IL1RAPL1: variants seen among roughly 807,000 people sequenced by gnomAD.
The protein encoded by IL1RAPL1 is interleukin-1 receptor accessory protein-like 1.
In IL1RAPL1, 3 loss-of-function variants were observed where a neutral mutation model predicts 48.4. The ratio of observed to expected loss-of-function variants is 0.06; its 90% CI spans 0.03 to 0.16. The LOEUF is 0.16. IL1RAPL1 is among the 10% of genes least tolerant of loss of function. The probability of loss-of-function intolerance (pLI) is 1.00; values close to 1 mark genes in which losing one functional copy is unlikely to be tolerated. For synonymous variants in IL1RAPL1, 185 were observed against 187.7 expected (o/e 0.99, Z 0.12); for missense variants, 349 against 530.6 (o/e 0.66, Z 3.36).
At chrX:28,687,663 T>C (rs1414963053) in intron 1 of IL1RAPL1, among the ~76,000 whole-genome samples, 2 of 109,541 alleles carry the variant, frequency 1.8e-5, no homozygotes, top group African/African-American at 6.6e-5. Context: ...GCGCCTGTAG[T>C]CCCAGCTACT....
At chrX:28,930,899 C>T (rs962866896) in intron 2 of IL1RAPL1, among the ~76,000 whole-genome samples, 1 of 111,055 alleles carries the variant, frequency 9.0e-6, no homozygotes, top group African/African-American at 3.3e-5. Flanking sequence ...CCTTGGCCTC[C>T]CAAATTGCTG....
intron 5 of IL1RAPL1, among the ~76,000 whole-genome samples, chrX:29,405,658 G>A (rs1934055611): frequency 9.2e-6 from 1 of 108,960 alleles, no homozygotes; most frequent in Admixed American, 9.6e-5. Flanking sequence ...GAGCCACCAC[G>A]CCCAGGCTCT....
chrX:29,372,959 A>G (rs1424023244), intron 3 of IL1RAPL1, among the ~76,000 whole-genome samples: 3 of 110,485 alleles, frequency 2.7e-5, no homozygotes, highest in Non-Finnish European at 3.8e-5. Context: ...AATTCTGTGA[A>G]AAATGACACT....
chrX:28,648,433 C>G (rs958495173), intron 1 of IL1RAPL1, among the ~76,000 whole-genome samples: 3 of 111,909 alleles, frequency 2.7e-5, no homozygotes, highest in African/African-American at 9.7e-5. Context: ...ATACATATGT[C>G]ATAGGGTTGT....
intron 1 of IL1RAPL1, among the ~76,000 whole-genome samples, chrX:28,699,973 A>G (rs754335275): frequency 5.4e-5 from 6 of 111,662 alleles, no homozygotes; most frequent in African/African-American, 1.9e-4. Flanking sequence ...ATGCCAATGG[A>G]AAGATTATTG....
Position 28,963,478 on chromosome X carries a change from GAAATTAA to G in IL1RAPL1, c.82+174054_82+174060del, listed in dbSNP as rs1569209215. 2.4e-4 allele frequency among the ~76,000 whole-genome samples: 27 copies of G among 110,579 alleles called. No homozygotes were observed. In the South Asian group the frequency reaches 0.01, roughly 42 times the overall value. On this transcript the variant is annotated intron_variant, in intron 2 of 10. Coordinates refer to ENST00000378993, the MANE Select transcript of IL1RAPL1 (RefSeq NM_014271.4). ...AATTGATATCAATAATTAATACATA[GAAATTAA>G]TAAATATATATACAAGTAGATGAAG... is the stretch of plus-strand genomic sequence containing the variant.
intron 5 of IL1RAPL1, among the ~76,000 whole-genome samples, chrX:29,478,912 A>G (rs1315583880): frequency 9.0e-6 from 1 of 110,767 alleles, no homozygotes; most frequent in Admixed American, 9.6e-5. Context: ...ACTGTCCGCC[A>G]TTCCCTGCAT....
intron 2 of IL1RAPL1, among the ~76,000 whole-genome samples, chrX:29,139,014 C>T (rs1929191422): frequency 1.8e-5 from 2 of 111,399 alleles, no homozygotes; most frequent in African/African-American, 6.5e-5. Context: ...GATCCAGTCT[C>T]ATGACAGTGT....
chrX:29,260,837 G>T (rs1931843814), intron 2 of IL1RAPL1, among the ~76,000 whole-genome samples: 1 of 109,124 alleles, frequency 9.2e-6, no homozygotes. Flanking sequence ...ATCATAACTT[G>T]CATTCTCATC....
At chrX:29,226,105 G>A (rs763270813) in intron 2 of IL1RAPL1, among the ~76,000 whole-genome samples, 102 of 111,662 alleles carry the variant, frequency 9.1e-4, no homozygotes, top group African/African-American at 2.4e-3. Context: ...TCATGTTAAC[G>A]CATTTTCTAG....
chrX:28,659,343 T>A (rs1416760797), intron 1 of IL1RAPL1: 2 of 553,900 alleles, frequency 3.6e-6, no homozygotes, highest in African/African-American at 4.5e-5. Flanking sequence ...GTACCAGGCC[T>A]GTAACGATGA....
chrX:29,723,241 GTTTGT>G (rs974867262), intron 6 of IL1RAPL1, among the ~76,000 whole-genome samples: 3 of 111,733 alleles, frequency 2.7e-5, no homozygotes, highest in African/African-American at 6.5e-5. Context: ...AACTCTGCAT[GTTTGT>G]TTTGTTTTGT....
intron 5 of IL1RAPL1, among the ~76,000 whole-genome samples, chrX:29,588,590 G>A (rs1017890584): frequency 3.0e-4 from 34 of 112,041 alleles, no homozygotes; most frequent in African/African-American, 9.4e-4. Context: ...CTTCTCAGTA[G>A]AGAACACATT....
At chrX:29,305,539 A>G (rs1364354634) in intron 3 of IL1RAPL1, among the ~76,000 whole-genome samples, 1 of 111,874 alleles carries the variant, frequency 8.9e-6, no homozygotes, top group Non-Finnish European at 1.9e-5. Context: ...GAGTTATAGA[A>G]CCAACTGGTA....
chrX:29,471,928 G>A (rs952672970), intron 5 of IL1RAPL1, among the ~76,000 whole-genome samples: 1 of 111,406 alleles, frequency 9.0e-6, no homozygotes, highest in African/African-American at 3.3e-5. Context: ...ACCAAATTTT[G>A]TTATGCACAC....
chrX:29,815,137 A>G (rs891099868), intron 6 of IL1RAPL1, among the ~76,000 whole-genome samples: 2 of 111,599 alleles, frequency 1.8e-5, no homozygotes, highest in African/African-American at 3.3e-5. Context: ...ATAGTTTGGC[A>G]GGAATAACGC....
chrX:28,678,345 GTC>G (rs1935022599), intron 1 of IL1RAPL1, among the ~76,000 whole-genome samples: 1 of 111,106 alleles, frequency 9.0e-6, no homozygotes, highest in Non-Finnish European at 1.9e-5. Context: ...CTGCCTCTGG[GTC>G]TCTCTCTGCC....
At chrX:28,940,707 A>C (rs1924143590) in intron 2 of IL1RAPL1, among the ~76,000 whole-genome samples, 1 of 111,030 alleles carries the variant, frequency 9.0e-6, no homozygotes, top group Admixed American at 9.6e-5. Flanking sequence ...GATAATGCTA[A>C]GTCTCCACCA....
intron 5 of IL1RAPL1, among the ~76,000 whole-genome samples, chrX:29,618,749 C>T (rs1313178540): frequency 9.0e-6 from 1 of 111,711 alleles, no homozygotes; most frequent in Non-Finnish European, 1.9e-5. Flanking sequence ...GTCCCTTTTA[C>T]CTTATAAGGC....
Sources: gnomAD v4.1 joint callset for allele counts (sites outside exome capture counted in the v4.1 genomes callset) on GRCh38, gnomAD v4.1.1 for gene constraint, MANE v1.5 for transcripts, NCBI Gene and HGNC (gene_info 2026-07-23, HGNC 2026-07-21) for gene names.